Variants in CACNA2D1 observed in about 807,000 individuals in gnomAD.
The protein encoded by CACNA2D1 is voltage-dependent calcium channel subunit alpha-2/delta-1.
CACNA2D1 carries 53 observed loss-of-function variants against 171.5 expected under a neutral mutation model. That is an observed-to-expected ratio of 0.31 (90% CI 0.25 to 0.39). CACNA2D1 has a LOEUF of 0.39. Among genes scored for constraint, CACNA2D1 ranks in the 10% least tolerant of loss-of-function variants. CACNA2D1 has a pLI of 1.00. For missense variants in CACNA2D1, 903 were observed against 1,299.8 expected (o/e 0.69, Z 4.69); for synonymous variants, 442 against 443.1 (o/e 1.00, Z 0.03).
chr7:82,128,400 T>C (rs995948151), intron 5 of CACNA2D1, among the ~76,000 whole-genome samples: 3 of 152,318 alleles, frequency 2.0e-5, no homozygotes, highest in East Asian at 1.9e-4. Context: ...ATAAATAGCA[T>C]TGCTCTAAGT....
intron 1 of CACNA2D1, among the ~76,000 whole-genome samples, chr7:82,378,558 T>C (rs961058329): frequency 4.6e-5 from 7 of 152,204 alleles, no homozygotes; most frequent in African/African-American, 1.7e-4. Flanking sequence ...TTTTGAACCA[T>C]ACTGTCTCCC....
intron 3 of CACNA2D1, among the ~76,000 whole-genome samples, chr7:82,287,672 A>G (rs1240375542): frequency 1.3e-5 from 2 of 152,158 alleles, no homozygotes; most frequent in Non-Finnish European, 2.9e-5. Context: ...TTCCTTAATG[A>G]TTTAAATGTC....
At position 82,349,716 on chromosome 7, in the gene CACNA2D1, T is replaced by G. The variant is rs116879625; in HGVS notation, c.96-67A>C. 23 of 1,183,324 alleles carry G rather than the reference T, an allele frequency of 1.9e-5. No homozygotes were observed. In the East Asian group the frequency reaches 4.9e-4, roughly 25 times the overall value. 73.3% of individuals were successfully genotyped at this position (1,183,324 alleles called of 1,614,324 possible). A position where few individuals can be genotyped will look rare whatever the true frequency, so the allele number is the denominator to read the frequency against. On this transcript the variant is annotated intron_variant, in intron 1 of 38. Transcript: ENST00000356860. ...CAAATAAAAGTCACATGCTGATATTTTATATCCACGCTACAGATAATTCAT... is the reference window on the plus strand; with the variant it reads ...CAAATAAAAGTCACATGCTGATATTGTATATCCACGCTACAGATAATTCAT...
chr7:82,249,176 G>A (rs1218102800), intron 3 of CACNA2D1, among the ~76,000 whole-genome samples: 2 of 151,984 alleles, frequency 1.3e-5, no homozygotes, highest in Non-Finnish European at 1.5e-5. Context: ...GGTGTCATGG[G>A]AGCACAAAGG....
At chr7:82,128,941 T>C (rs1175475531) in intron 5 of CACNA2D1, among the ~76,000 whole-genome samples, 6 of 151,842 alleles carry the variant, frequency 4.0e-5, no homozygotes, top group Non-Finnish European at 8.8e-5. Context: ...CAATAAGGAG[T>C]AGTGGCATTA....
chr7:82,168,610 T>C (rs911322480), intron 4 of CACNA2D1, among the ~76,000 whole-genome samples: 1 of 152,054 alleles, frequency 6.6e-6, no homozygotes, highest in African/African-American at 2.4e-5. Flanking sequence ...ACAAAATAAT[T>C]GCCAAATGTT....
At chr7:81,959,852 T>C (rs564450057) in intron 36 of CACNA2D1, 23 bp from the exon 37 acceptor site, 27 of 1,607,042 alleles carry the variant, frequency 1.7e-5, no homozygotes, top group South Asian at 2.2e-5. Flanking sequence ...TATGGTATCA[T>C]AGAAAATGAG....
chr7:82,135,901 T>A (rs1234359985), intron 5 of CACNA2D1, among the ~76,000 whole-genome samples: 1 of 152,214 alleles, frequency 6.6e-6, no homozygotes, highest in African/African-American at 2.4e-5. Context: ...AATAATTTTA[T>A]CTTAAGAAAT....
chr7:82,096,823 A>T (rs1021322218), intron 6 of CACNA2D1, among the ~76,000 whole-genome samples: 2 of 152,008 alleles, frequency 1.3e-5, no homozygotes, highest in African/African-American at 4.8e-5. Context: ...AATCATTTTT[A>T]AAAATCACTA....
chr7:82,383,266 A>G lies in CACNA2D1; in HGVS notation c.96-33617T>C, dbSNP rs192786246. Among the ~76,000 whole-genome samples the G allele has an allele frequency of 3.3e-3, 510 of 152,286 alleles. 3 individuals are homozygous for G. Among genetic ancestry groups the G allele is most frequent in the African/African-American group, 0.012 (489 of 41,558 alleles). On this transcript the variant is annotated intron_variant, in intron 1 of 38. Transcript: ENST00000356860. The stretch of plus-strand genomic sequence containing the variant: ...CACTAATCTGTTCCAAAAGAGAAAA[A>G]AACTGGCCCTGAGGCTCAACTTTTC...
At chr7:82,263,355 C>T (rs1807391022) in intron 3 of CACNA2D1, among the ~76,000 whole-genome samples, 1 of 152,068 alleles carries the variant, frequency 6.6e-6, no homozygotes, top group African/African-American at 2.4e-5. Context: ...AAGTGATCTG[C>T]CTGCCTCAGC....
At chr7:82,201,336 C>G (rs951629771) in intron 3 of CACNA2D1, among the ~76,000 whole-genome samples, 1 of 152,196 alleles carries the variant, frequency 6.6e-6, no homozygotes, top group Non-Finnish European at 1.5e-5. Flanking sequence ...CACATATAAT[C>G]TGCTTTTGGT....
At chr7:82,370,432 ACT>A (rs1165103349) in intron 1 of CACNA2D1, among the ~76,000 whole-genome samples, 1 of 152,052 alleles carries the variant, frequency 6.6e-6, no homozygotes, top group Non-Finnish European at 1.5e-5. Flanking sequence ...GTGATAAGAA[ACT>A]CAGCCTCATT....
At chr7:82,440,459 C>A (rs181842144) in intron 1 of CACNA2D1, among the ~76,000 whole-genome samples, 1 of 151,710 alleles carries the variant, frequency 6.6e-6, no homozygotes, top group African/African-American at 2.4e-5. Flanking sequence ...AATACCAATA[C>A]GACATGTGCA....
intron 8 of CACNA2D1, 97 bp from the exon 9 acceptor site, chr7:82,064,451 T>G: frequency 1.1e-6 from 1 of 888,948 alleles, no homozygotes; most frequent in Non-Finnish European, 1.8e-6. Flanking sequence ...CAAGGTTTTT[T>G]TCCCCAAGCA....
intron 3 of CACNA2D1, among the ~76,000 whole-genome samples, chr7:82,233,682 T>C (rs909643804): frequency 6.6e-6 from 1 of 152,078 alleles, no homozygotes; most frequent in African/African-American, 2.4e-5. Context: ...GACCTTTTTT[T>C]TTCCCCACTC....
At chr7:82,318,573 C>T (rs1815390509) in intron 3 of CACNA2D1, among the ~76,000 whole-genome samples, 1 of 152,154 alleles carries the variant, frequency 6.6e-6, no homozygotes, top group Non-Finnish European at 1.5e-5. Flanking sequence ...AAAGGCTAGA[C>T]CCCTTCTCCT....
intron 3 of CACNA2D1, among the ~76,000 whole-genome samples, chr7:82,286,587 T>C (rs1810798160): frequency 6.6e-6 from 1 of 152,170 alleles, no homozygotes; most frequent in Admixed American, 6.5e-5. Flanking sequence ...TCTAGCTTGG[T>C]TCATTGTCCT....
intron 1 of CACNA2D1, among the ~76,000 whole-genome samples, chr7:82,422,166 A>T (rs1474468529): frequency 6.6e-6 from 1 of 152,168 alleles, no homozygotes; most frequent in Non-Finnish European, 1.5e-5. Context: ...ACATTAAATG[A>T]TGTGCACATA....
Sources: gnomAD v4.1 joint callset for allele counts (sites outside exome capture counted in the v4.1 genomes callset) on GRCh38, gnomAD v4.1.1 for gene constraint, MANE v1.5 for transcripts, NCBI Gene and HGNC (gene_info 2026-07-23, HGNC 2026-07-21) for gene names.